Variants in KLF8 observed in about 807,000 individuals in gnomAD.
KLF8 encodes KLF transcription factor 8.
A neutral mutation model predicts 18.2 loss-of-function variants in KLF8; 10 were observed. The observed-to-expected ratio is 0.55, with a 90% CI of 0.34 to 0.93. The LOEUF (loss-of-function observed/expected upper bound fraction) is 0.93, where lower values mean the gene tolerates loss of function less well. Among genes scored for constraint, KLF8 ranks in the 40% least tolerant of loss-of-function variants. The probability of loss-of-function intolerance (pLI) is 0.02; values close to 1 mark genes in which losing one functional copy is unlikely to be tolerated. For missense variants in KLF8, 264 were observed against 277.9 expected (o/e 0.95, Z 0.36); for synonymous variants, 109 against 97.3 (o/e 1.12, Z -0.71).
the KLF8 span, among the ~76,000 whole-genome samples, chrX:56,052,267 C>T: frequency 8.9e-6 from 1 of 112,227 alleles, no homozygotes; most frequent in African/African-American, 3.2e-5. Flanking sequence ...CTTCTCTCAG[C>T]TCGTCAAAGT....
At chrX:56,267,290 T>C (rs1331906092) in intron 3 of KLF8, 8 of 590,638 alleles carry the variant, frequency 1.4e-5, no homozygotes, top group Non-Finnish European at 1.6e-5. Context: ...AAAAAGAGGT[T>C]TAATTGGACT....
the KLF8 span, among the ~76,000 whole-genome samples, chrX:56,093,571 A>T: frequency 1.8e-5 from 2 of 111,044 alleles, no homozygotes; most frequent in African/African-American, 6.5e-5. Flanking sequence ...TTTATAAGAA[A>T]GGAAAATGAT....
chrX:56,103,183 T>C, the KLF8 span, among the ~76,000 whole-genome samples: 1 of 110,181 alleles, frequency 9.1e-6, no homozygotes, highest in African/African-American at 3.3e-5. Flanking sequence ...AGGATTGACT[T>C]GGCAATGTGG....
At chrX:56,094,450 CA>C in the KLF8 span, among the ~76,000 whole-genome samples, 2 of 110,292 alleles carry the variant, frequency 1.8e-5, no homozygotes, top group African/African-American at 6.6e-5. Context: ...AACACAGTGC[CA>C]AAATATAGGA....
the KLF8 span, among the ~76,000 whole-genome samples, chrX:55,927,021 T>A: frequency 1.8e-5 from 2 of 111,415 alleles, no homozygotes; most frequent in Non-Finnish European, 3.8e-5. Context: ...ACAAATAGAA[T>A]GAAAGTACAA....
chrX:56,099,400 C>T, the KLF8 span, among the ~76,000 whole-genome samples: 1 of 111,239 alleles, frequency 9.0e-6, no homozygotes, highest in Non-Finnish European at 1.9e-5. Context: ...TTCCCTATGA[C>T]ACAACAATAT....
the KLF8 span, among the ~76,000 whole-genome samples, chrX:56,153,538 A>G: frequency 9.0e-6 from 1 of 111,527 alleles, no homozygotes; most frequent in Non-Finnish European, 1.9e-5. Context: ...CACTATGTTG[A>G]ACAGGAGTAG....
At chrX:56,170,651 G>A in the KLF8 span, among the ~76,000 whole-genome samples, 26 of 110,212 alleles carry the variant, frequency 2.4e-4, no homozygotes, top group Non-Finnish European at 3.2e-4. Flanking sequence ...GAGCCTAAAG[G>A]AAACAGAATT....
chrX:55,934,159 C>T, the KLF8 span, among the ~76,000 whole-genome samples: 1 of 111,780 alleles, frequency 8.9e-6, no homozygotes, highest in Admixed American at 9.5e-5. Flanking sequence ...TCTACATTTG[C>T]CTTTCGTCTG....
the KLF8 span, among the ~76,000 whole-genome samples, chrX:56,065,585 C>T: frequency 1.8e-5 from 2 of 111,182 alleles, no homozygotes; most frequent in African/African-American, 6.5e-5. Flanking sequence ...AAAGTTGTTG[C>T]ATTCCTTTGG....
chrX:56,184,814 C>A, the KLF8 span, among the ~76,000 whole-genome samples: 3 of 112,241 alleles, frequency 2.7e-5, no homozygotes, highest in African/African-American at 9.7e-5. Flanking sequence ...AGCTGAGGGT[C>A]CTGTCTGTTA....
chrX:55,948,875 A>G, the KLF8 span, among the ~76,000 whole-genome samples: 1 of 112,413 alleles, frequency 8.9e-6, no homozygotes, highest in Admixed American at 9.4e-5. Context: ...GAGTTCTTAC[A>G]TGTAAAATAC....
rs1290497846 is a variant in KLF8 at position 56,270,269 on chromosome X, C to G, written c.846C>G (p.Ser282Arg). 8.3e-7 allele frequency: 1 copy of G among 1,206,685 alleles called. No individual in the cohort carries two copies. The stretch of plus-strand genomic sequence containing the variant: ...ACCAATGTGACTTTGCAGGATGCAG[C>G]AAAGTGTACACCAAAAGCTCTCACC... Reference protein sequence around the residue: ...RIHQCDFAGCSKVYTKSSHLK... With the variant: ...RIHQCDFAGCRKVYTKSSHLK... Residue 282 changes from serine to arginine, a missense_variant, in exon 5 of 6, where the codon AGC (serine) becomes AGG (arginine). By Grantham distance (110) the Ser-to-Arg change is moderately radical. Coordinates refer to ENST00000468660, the MANE Select transcript of KLF8 (RefSeq NM_007250.5).
At chrX:55,996,159 G>T in the KLF8 span, among the ~76,000 whole-genome samples, 3 of 111,531 alleles carry the variant, frequency 2.7e-5, no homozygotes, top group Admixed American at 9.5e-5. Flanking sequence ...TATTCTGCTG[G>T]TATTACTTCT....
At chrX:55,957,191 G>A in the KLF8 span, among the ~76,000 whole-genome samples, 4 of 111,159 alleles carry the variant, frequency 3.6e-5, no homozygotes, top group Non-Finnish European at 7.6e-5. Context: ...GGCAAATATC[G>A]TTTAACCATA....
the KLF8 span, among the ~76,000 whole-genome samples, chrX:56,032,237 G>C: frequency 1.8e-5 from 2 of 111,477 alleles, no homozygotes; most frequent in African/African-American, 6.5e-5. Context: ...CTCCCAAAGT[G>C]CTGGTGATTA....
chrX:56,147,936 C>T, the KLF8 span, among the ~76,000 whole-genome samples: 5 of 112,349 alleles, frequency 4.5e-5, no homozygotes, highest in African/African-American at 1.6e-4. Flanking sequence ...TGAGATCATG[C>T]CACTGCACTC....
intron 3 of KLF8, chrX:56,266,943 A>G (rs1307523003): frequency 1.3e-6 from 1 of 753,489 alleles, no homozygotes; most frequent in Non-Finnish European, 1.6e-6. Flanking sequence ...TGTGGTAATG[A>G]TAAGTGTTCA....
At chrX:56,126,627 CCACT>C in the KLF8 span, among the ~76,000 whole-genome samples, 2 of 111,116 alleles carry the variant, frequency 1.8e-5, no homozygotes, top group African/African-American at 6.5e-5. Flanking sequence ...CTCCCTGTTT[CCACT>C]CACTCACTCT....
Sources: gnomAD v4.1 joint callset for allele counts (sites outside exome capture counted in the v4.1 genomes callset) on GRCh38, gnomAD v4.1.1 for gene constraint, MANE v1.5 for transcripts, NCBI Gene and HGNC (gene_info 2026-07-23, HGNC 2026-07-21) for gene names.